HMCES: variants seen among roughly 807,000 people sequenced by gnomAD.
HMCES encodes 5-hydroxymethylcytosine binding, ES cell specific.
A neutral mutation model predicts 35.1 loss-of-function variants in HMCES; 27 were observed. The observed-to-expected ratio is 0.77, with a 90% confidence interval of 0.57 to 1.06. The LOEUF is 1.06. Among genes scored for constraint, HMCES ranks in the 50% least tolerant of loss-of-function variants. The pLI, the probability that HMCES is intolerant of heterozygous loss-of-function variation, is 0.00. For missense variants in HMCES, 391 were observed against 430.4 expected (o/e 0.91, Z 0.81); for synonymous variants, 130 against 154.7 (o/e 0.84, Z 1.18).
In HMCES at chr3:129,305,768, G is replaced by A. The variant is rs2071225888; in HGVS notation, c.*943G>A. 6.6e-6 allele frequency: 1 copy of A among 152,426 alleles called. No homozygotes were observed. Among genetic ancestry groups the A allele is most frequent in the Non-Finnish European group, 1.5e-5 (1 of 68,208 alleles). 9.4% of individuals were successfully genotyped at this position (152,426 alleles called of 1,614,324 possible). On this transcript the variant is annotated 3_prime_UTR_variant, in exon 7 of 7. Transcript: ENST00000383463. ...GCTGCTGGTGGGGGGCGGGGGTGCA[G>A]GCCCCAGTCTCTATGCAAATCAGGG...
chr3:129,284,803 T>C (rs946802311), intron 2 of HMCES, among the ~76,000 whole-genome samples: 1 of 152,074 alleles, frequency 6.6e-6, no homozygotes, highest in Non-Finnish European at 1.5e-5. Flanking sequence ...TCCCAGCTAC[T>C]TGGGAGGCGG....
Position 129,302,107 on chromosome 3 carries a change from G to C in HMCES, c.793G>C (p.Glu265Gln). Reference sequence around the variant, plus strand: ...GAACAACTCGCGAAACAACACTCCTGAGTGTCTGGCTCCTGTCGACTTGGT... The same window carrying C: ...GAACAACTCGCGAAACAACACTCCTCAGTGTCTGGCTCCTGTCGACTTGGT... Reference protein sequence around the residue: ...VVNNSRNNTPECLAPVDLVVK... With the variant: ...VVNNSRNNTPQCLAPVDLVVK... The change falls in exon 6 of 7, where the codon GAG becomes CAG. Residue 265 changes from glutamate to glutamine, a missense_variant. By Grantham distance (29) the Glu-to-Gln change is conservative. Transcript: ENST00000383463. The C allele has an allele frequency of 6.2e-7, 1 of 1,613,994 alleles. No individual in the cohort carries two copies. The highest frequency in any genetic ancestry group is 8.5e-7 in the Non-Finnish European group (1 of 1,179,950).
intron 2 of HMCES, among the ~76,000 whole-genome samples, chr3:129,280,732 T>A (rs1940452164): frequency 6.6e-6 from 1 of 152,338 alleles, no homozygotes; most frequent in East Asian, 1.9e-4. Context: ...GAAGTTTAAT[T>A]GCATTCATTG....
chr3:129,297,947 G>A (rs1457200951), intron 4 of HMCES, among the ~76,000 whole-genome samples: 1 of 152,208 alleles, frequency 6.6e-6, no homozygotes, highest in African/African-American at 2.4e-5. Flanking sequence ...GAATTGGCAT[G>A]AAATTCAATT....
intron 4 of HMCES, among the ~76,000 whole-genome samples, chr3:129,294,726 A>C (rs2071070923): frequency 6.6e-6 from 1 of 152,064 alleles, no homozygotes; most frequent in African/African-American, 2.4e-5. Context: ...ATCTTCACTT[A>C]TTTGTATAGA....
intron 4 of HMCES, 91 bp downstream of exon 4, chr3:129,290,895 T>C (rs777654643): frequency 3.7e-5 from 48 of 1,299,132 alleles, no homozygotes; most frequent in Non-Finnish European, 4.9e-5. Context: ...CATAGTTTTA[T>C]TTATTTATTT....
chr3:129,301,889 T>A, intron 5 of HMCES, 61 bp from the exon 6 acceptor site: 1 of 1,374,090 alleles, frequency 7.3e-7, no homozygotes, highest in Non-Finnish European at 1.0e-6. Flanking sequence ...CAAGTCTCTC[T>A]CCCTTCTCTC....
Position 129,306,039 on chromosome 3 carries a change from C to T in HMCES, c.*1214C>T, listed in dbSNP as rs911453805. ...GGCCCGTAGTTGTACACTCAGTCAC[C>T]CTGCACTGTGGAGGCGGGGGCCTCC... On this transcript the variant is annotated 3_prime_UTR_variant, in exon 7 of 7. Transcript: ENST00000383463. 6 of 152,218 alleles carry T rather than the reference C, an allele frequency of 3.9e-5. No homozygotes were observed. The highest frequency in any genetic ancestry group is 1.2e-4 in the African/African-American group (5 of 41,462). The allele number at this position is 152,218 out of a possible 1,614,324, so 9.4% of individuals were successfully genotyped here.
chr3:129,298,414 A>G lies in HMCES; in HGVS notation c.514A>G (p.Arg172Gly). The part of the protein sequence containing the change: ...ENWEKVWDNW[R>G]LLTMAGIFDC... ...CTGGGAGAAAGTCTGGGACAACTGG[A>G]GGCTGCTGACAATGGCCGGGATCTT... Residue 172 changes from arginine (R) to glycine (G), a missense_variant, in exon 5 of 7, where the codon AGG becomes GGG. Coordinates refer to ENST00000383463, the MANE Select transcript of HMCES (RefSeq NM_020187.3). 1 of 1,614,174 alleles carries G rather than the reference A, an allele frequency of 6.2e-7. No homozygotes were observed.
At chr3:129,288,306 C>G (rs1940693478) in intron 2 of HMCES, among the ~76,000 whole-genome samples, 1 of 151,564 alleles carries the variant, frequency 6.6e-6, no homozygotes, top group Non-Finnish European at 1.5e-5. Context: ...AACTAAACCT[C>G]TTTGCATCCC....
intron 2 of HMCES, among the ~76,000 whole-genome samples, chr3:129,281,519 C>T (rs1179733488): frequency 2.6e-5 from 4 of 151,350 alleles, no homozygotes; most frequent in South Asian, 2.1e-4. Flanking sequence ...GGTGAAACCC[C>T]GTCTCTACTG....
chr3:129,300,166 TTATATATATATATA>T (rs35145445), intron 5 of HMCES, among the ~76,000 whole-genome samples: 1 of 141,192 alleles, frequency 7.1e-6, no homozygotes, highest in African/African-American at 2.5e-5. Context: ...ATGTGCATCT[TTATATATATATATA>T]TATATATATA....
At chr3:129,294,752 G>A (rs1183582161) in intron 4 of HMCES, among the ~76,000 whole-genome samples, 1 of 151,844 alleles carries the variant, frequency 6.6e-6, no homozygotes, top group Non-Finnish European at 1.5e-5. Context: ...TTTTCTCTCT[G>A]GTATTACAGC....
chr3:129,303,916 T>A (rs74878689), intron 6 of HMCES, among the ~76,000 whole-genome samples: 18,754 of 151,694 alleles, frequency 0.12, 1,312 homozygotes, highest in Middle Eastern at 0.23. Flanking sequence ...CTCATTTTTT[T>A]AAATTTTTTA....
chr3:129,304,131 G>A (rs2071205789), intron 6 of HMCES, among the ~76,000 whole-genome samples: 2 of 152,182 alleles, frequency 1.3e-5, no homozygotes, highest in Non-Finnish European at 2.9e-5. Context: ...GGATTGGGGT[G>A]TGATGTAAAG....
In HMCES at chr3:129,298,545, A is replaced by T. The variant is rs373489648; in HGVS notation, c.635+10A>T. On this transcript the variant is annotated intron_variant, in intron 5 of 6. Transcript: ENST00000383463. ...GTGACATCCACCACAGGCAAGTCAT[A>T]CTTCTTAGCCCTGGATCCAAAAGGA... 6.2e-7 allele frequency: 1 copy of T among 1,611,668 alleles called. No individual in the cohort carries two copies. The highest frequency in any genetic ancestry group is 1.3e-5 in the African/African-American group (1 of 74,898).
At chr3:129,301,821 A>G (rs1008006301) in intron 5 of HMCES, 129 bp from the exon 6 acceptor site, 2 of 730,270 alleles carry the variant, frequency 2.7e-6, no homozygotes, top group Non-Finnish European at 4.6e-6. Flanking sequence ...AGCAATCAGC[A>G]TGTGAGGCGC....
At chr3:129,292,754 G>A (rs576716354) in intron 4 of HMCES, among the ~76,000 whole-genome samples, 15 of 152,206 alleles carry the variant, frequency 9.9e-5, no homozygotes, top group African/African-American at 3.4e-4. Flanking sequence ...AAAGTGCTGG[G>A]ATTACAGGCG....
chr3:129,299,051 G>A (rs1392458428), intron 5 of HMCES, among the ~76,000 whole-genome samples: 1 of 152,218 alleles, frequency 6.6e-6, no homozygotes, highest in Non-Finnish European at 1.5e-5. Flanking sequence ...GGGAGGCTGA[G>A]GCAAGAGAAT....
Sources: gnomAD v4.1 joint callset for allele counts (sites outside exome capture counted in the v4.1 genomes callset) on GRCh38, gnomAD v4.1.1 for gene constraint, MANE v1.5 for transcripts, NCBI Gene and HGNC (gene_info 2026-07-23, HGNC 2026-07-21) for gene names.